The following RBFOX1 variants were observed in gnomAD, a reference collection of about 807,000 sequenced individuals.
RBFOX1 encodes the protein RNA binding fox-1 homolog 1, also known as RNA binding protein fox-1 homolog 1.
A neutral mutation model predicts 57.7 loss-of-function variants in RBFOX1; 8 were observed. The ratio of observed to expected loss-of-function variants is 0.14; its 90% CI spans 0.08 to 0.25. The LOEUF is 0.25. RBFOX1 is among the 10% of genes least tolerant of loss of function. The probability of loss-of-function intolerance (pLI) is 1.00; values close to 1 mark genes in which losing one functional copy is unlikely to be tolerated. For synonymous variants in RBFOX1, 326 were observed against 222.4 expected, an observed-to-expected ratio of 1.47 and a Z score of -4.15; for missense variants, 611 against 548.5, an observed-to-expected ratio of 1.11 and a Z score of -1.14.
chr16:5,856,181 CTCTCTCTATA>C (rs1348193255), intron 3 of RBFOX1, among the ~76,000 whole-genome samples: 3 of 50,042 alleles, frequency 6.0e-5, no homozygotes, highest in African/African-American at 8.7e-5. Flanking sequence ...CTCTCTCTCT[CTCTCTCTATA>C]TATATATATA....
chr16:5,333,202 A>AAAC, intron 1 of RBFOX1, among the ~76,000 whole-genome samples: 1 of 97,576 alleles, frequency 1.0e-5, no homozygotes, highest in Admixed American at 1.1e-4. Context: ...AACAAACAAA[A>AAAC]AACCAAACTA....
intron 1 of RBFOX1, among the ~76,000 whole-genome samples, chr16:6,245,186 A>G (rs2152933233): frequency 6.6e-6 from 1 of 152,148 alleles, no homozygotes; most frequent in East Asian, 1.9e-4. Context: ...GCACTTTTTA[A>G]CCTCTATTTC....
chr16:6,326,947 A>C (rs1377761285), intron 2 of RBFOX1, among the ~76,000 whole-genome samples: 1 of 152,146 alleles, frequency 6.6e-6, no homozygotes, highest in Non-Finnish European at 1.5e-5. Flanking sequence ...CTGTGCTCCA[A>C]ATGCTCGTCT....
At chr16:6,187,295 G>A (rs1003695064) in intron 1 of RBFOX1, among the ~76,000 whole-genome samples, 1 of 151,950 alleles carries the variant, frequency 6.6e-6, no homozygotes, top group African/African-American at 2.4e-5. Context: ...GAGATGCTTT[G>A]GTCTAAGCCA....
intron 2 of RBFOX1, among the ~76,000 whole-genome samples, chr16:5,518,639 G>C (rs1227943625): frequency 6.6e-6 from 1 of 152,170 alleles, no homozygotes; most frequent in Admixed American, 6.5e-5. Context: ...CTGGATTAGT[G>C]GTTCATATTA....
At chr16:7,021,476 G>A (rs1195027440) in intron 3 of RBFOX1, among the ~76,000 whole-genome samples, 2 of 138,922 alleles carry the variant, frequency 1.4e-5, no homozygotes, top group East Asian at 2.1e-4. Context: ...AATTTATATT[G>A]TATATATTTT....
intron 1 of RBFOX1, among the ~76,000 whole-genome samples, chr16:6,181,486 A>G (rs1312121503): frequency 6.6e-6 from 1 of 152,188 alleles, no homozygotes; most frequent in East Asian, 1.9e-4. Flanking sequence ...ATTTGGAGAG[A>G]GGAATGTCTG....
chr16:7,061,551 C>T (rs2054283503), intron 4 of RBFOX1, among the ~76,000 whole-genome samples: 1 of 152,138 alleles, frequency 6.6e-6, no homozygotes, highest in African/African-American at 2.4e-5. Context: ...GGCATTTGAA[C>T]ACTTTATTTG....
At chr16:7,216,712 A>G (rs967545001) in intron 4 of RBFOX1, among the ~76,000 whole-genome samples, 1 of 152,210 alleles carries the variant, frequency 6.6e-6, no homozygotes, top group African/African-American at 2.4e-5. Context: ...AGTGTAGCAC[A>G]GCACATAGAA....
At chr16:6,961,374 T>C (rs1598448928) in intron 3 of RBFOX1, among the ~76,000 whole-genome samples, 1 of 152,248 alleles carries the variant, frequency 6.6e-6, no homozygotes, top group African/African-American at 2.4e-5. Context: ...ACTGTAGTAA[T>C]TTCCCAGCGC....
chr16:7,635,055 C>T (rs190127258), intron 11 of RBFOX1, among the ~76,000 whole-genome samples: 1 of 152,192 alleles, frequency 6.6e-6, no homozygotes, highest in Non-Finnish European at 1.5e-5. Context: ...GCCTGCTCCT[C>T]TTGTTGAGGG....
intron 3 of RBFOX1, among the ~76,000 whole-genome samples, chr16:6,710,399 C>A (rs975705073): frequency 1.3e-5 from 2 of 152,090 alleles, no homozygotes; most frequent in Non-Finnish European, 2.9e-5. Context: ...ATCATTTCAG[C>A]GTGTGATCAA....
rs2067599357 is a variant in RBFOX1 at position 5,427,565 on chromosome 16, A to G, written c.220-39651A>G. ...TTGCCATTACACTCCAGCCTGGGCA[A>G]CAGAGTGAGACTCTGTCTCAAAACA... On this transcript the variant is annotated intron_variant, in intron 1 of 2. Coordinates refer to the RBFOX1 transcript ENST00000585867. 2.0e-5 allele frequency among the ~76,000 whole-genome samples: 3 copies of G among 151,684 alleles called. No individual in the cohort carries two copies. In the South Asian group the frequency reaches 6.3e-4, roughly 32 times the overall value.
chr16:6,988,072 G>A (rs2090682938), intron 3 of RBFOX1, among the ~76,000 whole-genome samples: 1 of 152,134 alleles, frequency 6.6e-6, no homozygotes, highest in African/African-American at 2.4e-5. Context: ...TCCACAGCCA[G>A]TAAATGGTAA....
chr16:5,985,022 G>A lies in RBFOX1; in HGVS notation c.351+117687G>A, dbSNP rs201328492. 1.8e-4 allele frequency among the ~76,000 whole-genome samples: 22 copies of A among 121,312 alleles called. No individual in the cohort carries two copies. The East Asian group carries it at 4.8e-3, about 27-fold the overall frequency. 79.6% of individuals were successfully genotyped at this position (121,312 alleles called of 152,430 possible). On this transcript the variant is annotated intron_variant, in intron 4 of 19. Coordinates refer to the RBFOX1 transcript ENST00000641259. ...CTTTGAGACAGAGTTTCACTCTGTC[G>A]CCCAGGCTGGAGTGCAGTAGTAGTG...
chr16:6,144,375 C>T (rs973440261), intron 1 of RBFOX1, among the ~76,000 whole-genome samples: 15 of 152,120 alleles, frequency 9.9e-5, no homozygotes, highest in African/African-American at 3.6e-4. Flanking sequence ...AGAGATCTAA[C>T]ACATCATTCT....
At chr16:5,406,364 G>C (rs551117859) in intron 1 of RBFOX1, among the ~76,000 whole-genome samples, 17 of 152,192 alleles carry the variant, frequency 1.1e-4, no homozygotes, top group Middle Eastern at 3.4e-3. Flanking sequence ...GGGAGAGTTA[G>C]CTCTGACTGC....
chr16:6,985,943 G>A (rs1224638987), intron 3 of RBFOX1, among the ~76,000 whole-genome samples: 4 of 150,284 alleles, frequency 2.7e-5, no homozygotes, highest in African/African-American at 9.8e-5. Context: ...AAATCTCCAT[G>A]GAGTGATATA....
chr16:5,561,120 C>T (rs1969139), intron 2 of RBFOX1, among the ~76,000 whole-genome samples: 107,554 of 152,056 alleles, frequency 0.71, 38,192 homozygotes, highest in South Asian at 0.82. Flanking sequence ...GTGACTATGT[C>T]CATCCTCAGG....
Sources: allele counts gnomAD v4.1 joint callset (sites outside exome capture counted in the v4.1 genomes callset), GRCh38; gene constraint gnomAD v4.1.1; transcripts MANE v1.5; gene names NCBI Gene and HGNC (gene_info 2026-07-23, HGNC 2026-07-21).